The following NOL4 variants were observed in gnomAD, a reference collection of about 807,000 sequenced individuals.
The protein encoded by NOL4 is nucleolar protein 4, also known as cancer/testis antigen 125.
A neutral mutation model predicts 75.9 loss-of-function variants in NOL4; 17 were observed. That is an observed-to-expected ratio of 0.22 (90% CI 0.15 to 0.34). The LOEUF (loss-of-function observed/expected upper bound fraction) is 0.34, where lower values mean the gene tolerates loss of function less well. Ranked by LOEUF, NOL4 falls within the 10% of genes least tolerant of loss-of-function variation. The probability of loss-of-function intolerance (pLI) is 1.00; values close to 1 mark genes in which losing one functional copy is unlikely to be tolerated. For synonymous variants in NOL4, 292 were observed against 289.9 expected (o/e 1.01, Z -0.07); for missense variants, 614 against 793.5 (o/e 0.77, Z 2.72).
At chr18:33,900,847 T>C (rs968641385) in intron 9 of NOL4, among the ~76,000 whole-genome samples, 30 of 152,180 alleles carry the variant, frequency 2.0e-4, no homozygotes, top group Admixed American at 1.9e-3. Flanking sequence ...TGTGATGCCA[T>C]CTTATGGCTA....
intron 10 of NOL4, among the ~76,000 whole-genome samples, chr18:33,865,570 AC>A (rs1555636800): frequency 2.6e-5 from 4 of 152,106 alleles, no homozygotes; most frequent in Non-Finnish European, 5.9e-5. Flanking sequence ...TAAAAAAAAA[AC>A]TACATTTTAT....
chr18:34,219,580 A>G (rs1299964075), intron 1 of NOL4, among the ~76,000 whole-genome samples: 1 of 152,258 alleles, frequency 6.6e-6, no homozygotes, highest in Non-Finnish European at 1.5e-5. Context: ...AATGTGTAAA[A>G]CAGAGTTACC....
intron 9 of NOL4, among the ~76,000 whole-genome samples, chr18:33,905,344 G>T (rs1421363233): frequency 6.6e-6 from 1 of 152,094 alleles, no homozygotes; most frequent in Non-Finnish European, 1.5e-5. Flanking sequence ...TAGAGGTGCT[G>T]CTGAATACCC....
intron 5 of NOL4, among the ~76,000 whole-genome samples, chr18:34,064,516 AG>A (rs144661575): frequency 0.094 from 14,364 of 152,024 alleles, 887 homozygotes; most frequent in Non-Finnish European, 0.14. Flanking sequence ...ATCATTAAAA[AG>A]GGGAACTGTT....
chr18:33,914,383 A>G (rs1467435572), intron 9 of NOL4, among the ~76,000 whole-genome samples: 2 of 152,144 alleles, frequency 1.3e-5, no homozygotes, highest in African/African-American at 4.8e-5. Flanking sequence ...GAGAAGGGAC[A>G]CAAAGTCTAA....
At chr18:34,078,874 T>C (rs564284477) in intron 5 of NOL4, among the ~76,000 whole-genome samples, 115 of 152,348 alleles carry the variant, frequency 7.5e-4, no homozygotes, top group African/African-American at 2.6e-3. Flanking sequence ...GCTCTAGATA[T>C]GGTAATTTCT....
chr18:34,068,487 A>G (rs953385655), intron 5 of NOL4, among the ~76,000 whole-genome samples: 5 of 151,824 alleles, frequency 3.3e-5, no homozygotes, highest in East Asian at 1.9e-4. Context: ...GCAACCTCCA[A>G]CTCCCTGGTT....
At chr18:33,953,108 A>T (rs1249229103) in intron 8 of NOL4, among the ~76,000 whole-genome samples, 2 of 151,846 alleles carry the variant, frequency 1.3e-5, no homozygotes, top group Non-Finnish European at 2.9e-5. Context: ...CTAGGTAGGA[A>T]GGGAAAGCCA....
chr18:33,894,937 GAT>G (rs2065309275), intron 9 of NOL4, among the ~76,000 whole-genome samples: 1 of 152,026 alleles, frequency 6.6e-6, no homozygotes, highest in Non-Finnish European at 1.5e-5. Flanking sequence ...AGTCAATAAT[GAT>G]ATATACTTCG....
chr18:34,080,380 C>G (rs1362757169), intron 5 of NOL4, among the ~76,000 whole-genome samples: 2 of 152,162 alleles, frequency 1.3e-5, no homozygotes, highest in Non-Finnish European at 2.9e-5. Context: ...GAATCTCCAG[C>G]CCTGCATATA....
chr18:33,930,675 C>A (rs2067627306), intron 9 of NOL4, among the ~76,000 whole-genome samples: 1 of 152,114 alleles, frequency 6.6e-6, no homozygotes. Flanking sequence ...GATAAAAGCA[C>A]ACATTTTTTA....
chr18:33,906,027 C>T (rs1040306631), intron 9 of NOL4, among the ~76,000 whole-genome samples: 22 of 152,280 alleles, frequency 1.4e-4, no homozygotes, highest in Admixed American at 9.8e-4. Flanking sequence ...ACTCATCACT[C>T]CTTTTGTGGT....
At chr18:34,087,304 T>C (rs983733292) in intron 5 of NOL4, among the ~76,000 whole-genome samples, 11 of 152,088 alleles carry the variant, frequency 7.2e-5, no homozygotes, top group Non-Finnish European at 1.5e-4. Flanking sequence ...GTTAATGTAC[T>C]TATTTATCTC....
intron 9 of NOL4, among the ~76,000 whole-genome samples, chr18:33,894,016 T>C (rs1386130392): frequency 1.3e-5 from 2 of 152,162 alleles, no homozygotes; most frequent in African/African-American, 4.8e-5. Flanking sequence ...AAAAGTATTT[T>C]TGTTGAAGTT....
chr18:33,904,773 G>A (rs1434489170), intron 9 of NOL4, among the ~76,000 whole-genome samples: 4 of 152,146 alleles, frequency 2.6e-5, no homozygotes, highest in Non-Finnish European at 5.9e-5. Context: ...TTGATAGTGG[G>A]GAAGAAACTT....
chr18:34,129,155 T>C (rs575488041), intron 2 of NOL4, among the ~76,000 whole-genome samples: 5 of 152,066 alleles, frequency 3.3e-5, no homozygotes, highest in African/African-American at 1.2e-4. Context: ...AGTGTCTAGA[T>C]CAAACTGTAG....
chr18:33,944,506 C>A (rs1018172293), intron 8 of NOL4, among the ~76,000 whole-genome samples: 1 of 151,840 alleles, frequency 6.6e-6, no homozygotes, highest in African/African-American at 2.4e-5. Context: ...CACTACTCCC[C>A]CTCCAAAGTA....
rs371452778 is a variant in NOL4 at position 34,223,166 on chromosome 18, G to C, written c.88C>G (p.Arg30Gly). The C allele has an allele frequency of 1.2e-6, 2 of 1,614,174 alleles. No individual in the cohort carries two copies. Among genetic ancestry groups the C allele is most frequent in the African/African-American group, 1.3e-5 (1 of 75,048 alleles). The change falls in exon 1 of 11, where the codon CGT becomes GGT. Residue 30 changes from arginine (R) to glycine (G), a missense_variant. Around this residue, in one of 9 missense-constraint regions of NOL4, gnomAD observed 35 missense variants for 29.2 expected, o/e 1.20. Coordinates refer to ENST00000261592, the MANE Select transcript of NOL4 (RefSeq NM_003787.5). ...GDSGKTKTVT[R>G]KKYERIVQLL... ...TGGACGATCCGTTCGTATTTTTTAC[G>C]GGTCACCGTCTTGGTCTTGCCTGAG...
At chr18:34,096,868 T>A (rs2078810472) in intron 4 of NOL4, among the ~76,000 whole-genome samples, 1 of 152,196 alleles carries the variant, frequency 6.6e-6, no homozygotes, top group Non-Finnish European at 1.5e-5. Context: ...TGAGCTTTTA[T>A]TTCTATCTTC....
Sources: gnomAD v4.1 joint callset for allele counts (sites outside exome capture counted in the v4.1 genomes callset) on GRCh38, gnomAD v4.1.1 for gene constraint, gnomAD v4.1.1 regional missense constraint, MANE v1.5 for transcripts, NCBI Gene and HGNC (gene_info 2026-07-23, HGNC 2026-07-21) for gene names.